The following CLEC4A variants were observed in gnomAD, a reference collection of about 807,000 sequenced individuals.
CLEC4A encodes the protein C-type (calcium dependent, carbohydrate-recognition domain) lectin, superfamily member 6.
CLEC4A carries 27 observed loss-of-function variants against 32.7 expected under a neutral mutation model. The ratio of observed to expected loss-of-function variants is 0.83; its 90% CI spans 0.61 to 1.14. CLEC4A has a LOEUF of 1.14. Ranked by LOEUF, CLEC4A falls within the 50% of genes most tolerant of loss-of-function variation. The probability of loss-of-function intolerance (pLI) is 0.00; values close to 1 mark genes in which losing one functional copy is unlikely to be tolerated. For missense variants in CLEC4A, 253 were observed against 274.6 expected, an observed-to-expected ratio of 0.92 and a Z score of 0.55; for synonymous variants, 89 against 93.7, an observed-to-expected ratio of 0.95 and a Z score of 0.29.
At chr12:8,124,765 C>T (rs1947873744) in intron 1 of CLEC4A, among the ~76,000 whole-genome samples, 1 of 152,122 alleles carries the variant, frequency 6.6e-6, no homozygotes, top group Non-Finnish European at 1.5e-5. Flanking sequence ...TTCTTTATTA[C>T]ACAAGTATTA....
chr12:8,132,356 A>T (rs1948012932), intron 3 of CLEC4A, among the ~76,000 whole-genome samples: 1 of 152,214 alleles, frequency 6.6e-6, no homozygotes, highest in African/African-American at 2.4e-5. Flanking sequence ...ATTTTCATTC[A>T]GTTCAATGTA....
chr12:8,107,686 T>C, the CLEC4A span, among the ~76,000 whole-genome samples: 1 of 152,098 alleles, frequency 6.6e-6, no homozygotes, highest in Non-Finnish European at 1.5e-5. Flanking sequence ...GTGTTCATAA[T>C]AGTCTCTGAG....
chr12:8,114,403 C>T, the CLEC4A span, among the ~76,000 whole-genome samples: 1 of 152,136 alleles, frequency 6.6e-6, no homozygotes, highest in South Asian at 2.1e-4. Context: ...CGCCACCACG[C>T]CCGGCTAATT....
At chr12:8,125,479 AAGAG>A in intron 1 of CLEC4A, 78 bp from the exon 2 acceptor site, 2 of 770,600 alleles carry the variant, frequency 2.6e-6, no homozygotes, top group Non-Finnish European at 4.6e-6. Flanking sequence ...CATCCAAGAA[AAGAG>A]AGAGAAAGAG....
At chr12:8,119,164 G>A (rs1035060), upstream of CLEC4A, among the ~76,000 whole-genome samples, 79,475 of 152,142 alleles carry the variant, frequency 0.52, 23,551 homozygotes, top group Non-Finnish European at 0.68. Flanking sequence ...GAATTAGCTA[G>A]CCTTGCTGCA....
chr12:8,105,199 T>C, the CLEC4A span, among the ~76,000 whole-genome samples: 5 of 152,124 alleles, frequency 3.3e-5, no homozygotes, highest in African/African-American at 9.7e-5. Context: ...CCACCAGCAG[T>C]GTATAAGTGT....
chr12:8,124,046 T>C, intron 1 of CLEC4A, 86 bp downstream of exon 1: 2 of 886,270 alleles, frequency 2.3e-6, no homozygotes, highest in Non-Finnish European at 3.8e-6. Context: ...GTGTTTTCAG[T>C]TGCTGGTTGT....
At chr12:8,130,827 A>G (rs1947983676) in intron 3 of CLEC4A, among the ~76,000 whole-genome samples, 1 of 152,220 alleles carries the variant, frequency 6.6e-6, no homozygotes, top group Non-Finnish European at 1.5e-5. Flanking sequence ...ACAACTAATC[A>G]ACTAATATTG....
the CLEC4A span, among the ~76,000 whole-genome samples, chr12:8,110,794 C>T: frequency 2.0e-4 from 30 of 152,246 alleles, no homozygotes; most frequent in African/African-American, 7.0e-4. Flanking sequence ...GTGTGAGTGC[C>T]CCCCTTGCTT....
chr12:8,111,159 A>AC, the CLEC4A span, among the ~76,000 whole-genome samples: 1 of 145,922 alleles, frequency 6.9e-6, no homozygotes, highest in South Asian at 2.2e-4. Flanking sequence ...GGTGTGAGCC[A>AC]CCGCGCCTGG....
intron 4 of CLEC4A, among the ~76,000 whole-genome samples, chr12:8,136,355 G>A (rs4322489): frequency 0.8 from 121,332 of 152,132 alleles, 50,701 homozygotes; most frequent in East Asian, 0.94. Flanking sequence ...ACTTGAGGCC[G>A]GGAGTTCAAG....
chr12:8,111,929 G>GTGTGTA, the CLEC4A span, among the ~76,000 whole-genome samples: 14 of 144,664 alleles, frequency 9.7e-5, no homozygotes, highest in African/African-American at 3.8e-4. Context: ...GTATATGTGT[G>GTGTGTA]TGTGTGTGTG....
intron 3 of CLEC4A, chr12:8,134,423 C>T (rs1305909644): frequency 6.2e-7 from 1 of 1,613,970 alleles, no homozygotes; most frequent in Non-Finnish European, 8.5e-7. Flanking sequence ...CGAGTTCTTT[C>T]TGCAGAGCTT....
chr12:8,135,534 T>G (rs774519929), intron 3 of CLEC4A, 51 bp from the exon 4 acceptor site: 7 of 1,589,824 alleles, frequency 4.4e-6, no homozygotes, highest in Non-Finnish European at 6.0e-6. Flanking sequence ...TACACACACT[T>G]TTAAGAGTGA....
At chr12:8,111,963 G>GTATATATA in the CLEC4A span, among the ~76,000 whole-genome samples, 1,054 of 142,688 alleles carry the variant, frequency 7.4e-3, 18 homozygotes, top group African/African-American at 0.027. Flanking sequence ...GTGTGTGTGT[G>GTATATATA]TATTTTATTT....
In CLEC4A at chr12:8,135,696, T is replaced by TGG. The variant is rs748753755; in HGVS notation, c.411_412dup (p.Glu138GlyfsTer7). The TGG allele has an allele frequency of 6.2e-7, 1 of 1,614,184 alleles. No individual in the cohort carries two copies. The highest frequency in any genetic ancestry group is 1.1e-5 in the South Asian group (1 of 91,092). ...GACAGTGAGAAGGACTGTGCTAGAA[T>TGG]GGAGGCTCACCTGCTGGTGATAAAC... On this transcript the variant is annotated frameshift_variant, in exon 4 of 6. Transcript: ENST00000229332. LOFTEE classifies it high-confidence loss of function.
intron 3 of CLEC4A, among the ~76,000 whole-genome samples, chr12:8,130,134 T>C (rs1256537402): frequency 1.3e-5 from 2 of 152,156 alleles, no homozygotes; most frequent in Non-Finnish European, 2.9e-5. Context: ...CGGTGCCTGG[T>C]CCTAAAATTC....
In CLEC4A at chr12:8,138,137, C is replaced by T; in HGVS notation, c.567-3C>T. On this transcript the variant is annotated splice_region_variant and splice_polypyrimidine_tract_variant and intron_variant, in intron 5 of 5. Transcript: ENST00000229332. ...ATGCCCTCATCCTTTTTGTCGCTTT[C>T]AGATTCTGGCATCCACGTGAGCCCA... is the stretch of plus-strand genomic sequence containing the variant. 1 of 1,612,066 alleles carries T rather than the reference C, an allele frequency of 6.2e-7. No individual in the cohort carries two copies. The highest frequency in any genetic ancestry group is 8.5e-7 in the Non-Finnish European group (1 of 1,179,296).
chr12:8,134,362 G>A (rs1386312815), intron 3 of CLEC4A: 1 of 1,612,734 alleles, frequency 6.2e-7, no homozygotes, highest in East Asian at 2.2e-5. Flanking sequence ...ACATCGGCCT[G>A]TGTATATCCC....
Sources: allele counts gnomAD v4.1 joint callset (sites outside exome capture counted in the v4.1 genomes callset), GRCh38; gene constraint gnomAD v4.1.1; transcripts MANE v1.5; gene names NCBI Gene and HGNC (gene_info 2026-07-23, HGNC 2026-07-21).